Variants in KALRN observed in about 807,000 individuals in gnomAD.
The protein encoded by KALRN is kalirin RhoGEF kinase.
A neutral mutation model predicts 353.7 loss-of-function variants in KALRN; 70 were observed. That is an observed-to-expected ratio of 0.20 (90% CI 0.16 to 0.24). The LOEUF (loss-of-function observed/expected upper bound fraction) is 0.24. Among genes scored for constraint, KALRN ranks in the 10% least tolerant of loss-of-function variants. The probability of loss-of-function intolerance (pLI) is 1.00; values close to 1 mark genes in which losing one functional copy is unlikely to be tolerated. For synonymous variants in KALRN, 1,391 were observed against 1,434.8 expected, an observed-to-expected ratio of 0.97 and a Z score of 0.69; for missense variants, 2,791 against 3,756.7, an observed-to-expected ratio of 0.74 and a Z score of 6.72.
At chr3:124,564,505 C>T (rs182877052) in intron 34 of KALRN, among the ~76,000 whole-genome samples, 6 of 151,262 alleles carry the variant, frequency 4.0e-5, no homozygotes, top group African/African-American at 1.5e-4. Flanking sequence ...GTGAGACCCC[C>T]ATCTCTACAA....
intron 1 of KALRN, among the ~76,000 whole-genome samples, chr3:124,217,423 T>C (rs1188806490): frequency 2.0e-5 from 3 of 152,196 alleles, no homozygotes; most frequent in Admixed American, 6.5e-5. Context: ...AGGGGACATA[T>C]AGGGTTCATG....
At chr3:124,236,752 C>A (rs900257515) in intron 3 of KALRN, among the ~76,000 whole-genome samples, 2 of 152,124 alleles carry the variant, frequency 1.3e-5, no homozygotes, top group Non-Finnish European at 2.9e-5. Flanking sequence ...TGAAGGGGAA[C>A]AAAACCCAAG....
intron 28 of KALRN, among the ~76,000 whole-genome samples, chr3:124,487,723 A>T (rs1359380586): frequency 2.0e-5 from 3 of 152,254 alleles, no homozygotes; most frequent in Admixed American, 2.0e-4. Context: ...GGAAGTCAGC[A>T]TTCAGGCTGT....
At chr3:124,100,482 C>A (rs1578056320) in intron 1 of KALRN, 1 of 152,080 alleles carries the variant, frequency 6.6e-6, no homozygotes, top group Admixed American at 6.6e-5. Context: ...TGAAATTAGA[C>A]CCCTATCTCT....
At chr3:124,403,997 C>T (rs528062181) in intron 13 of KALRN, among the ~76,000 whole-genome samples, 1 of 152,122 alleles carries the variant, frequency 6.6e-6, no homozygotes, top group African/African-American at 2.4e-5. Context: ...GATTTGGCAT[C>T]CTTGGATGAT....
intron 3 of KALRN, among the ~76,000 whole-genome samples, chr3:124,248,355 G>C (rs970934060): frequency 3.9e-4 from 59 of 152,212 alleles, no homozygotes; most frequent in African/African-American, 1.4e-3. Context: ...TCTTTCCTCT[G>C]TCCGGGGCTG....
At chr3:124,051,683 A>G (rs1481273117) in intron 1 of KALRN, among the ~76,000 whole-genome samples, 1 of 152,188 alleles carries the variant, frequency 6.6e-6, no homozygotes, top group Non-Finnish European at 1.5e-5. Flanking sequence ...TTTATACACT[A>G]TACTCAATCC....
intron 11 of KALRN, among the ~76,000 whole-genome samples, chr3:124,388,061 C>T (rs2088684605): frequency 6.6e-6 from 1 of 151,962 alleles, no homozygotes; most frequent in Non-Finnish European, 1.5e-5. Context: ...TGTGTACACA[C>T]ACATGCAAAT....
At chr3:124,592,319 A>G (rs1483461978) in intron 34 of KALRN, among the ~76,000 whole-genome samples, 1 of 151,706 alleles carries the variant, frequency 6.6e-6, no homozygotes, top group African/African-American at 2.4e-5. Context: ...CAAAAAAAAA[A>G]AAAAAAAAAA....
intron 1 of KALRN, among the ~76,000 whole-genome samples, chr3:124,098,283 A>G (rs1356648868): frequency 6.6e-6 from 1 of 152,140 alleles, no homozygotes; most frequent in Non-Finnish European, 1.5e-5. Context: ...TCCAGAAGAC[A>G]ATCTGTTTTC....
At chr3:124,260,044 C>G (rs1393857594) in intron 3 of KALRN, among the ~76,000 whole-genome samples, 1 of 152,158 alleles carries the variant, frequency 6.6e-6, no homozygotes, top group Non-Finnish European at 1.5e-5. Context: ...AAATCCACTG[C>G]TCCTGCCTTG....
intron 23 of KALRN, among the ~76,000 whole-genome samples, chr3:124,458,475 C>T (rs185372938): frequency 5.3e-4 from 80 of 152,254 alleles, no homozygotes; most frequent in Middle Eastern, 6.8e-3. Flanking sequence ...CTTTTATGAA[C>T]TCCTTTACTT....
chr3:124,675,102 G>C (rs1334119531), intron 49 of KALRN: 1 of 152,092 alleles, frequency 6.6e-6, no homozygotes, highest in Non-Finnish European at 1.5e-5. Context: ...TTTCCCAGGA[G>C]GGAGGGAACT....
intron 6 of KALRN, among the ~76,000 whole-genome samples, chr3:124,301,738 G>A (rs116393118): frequency 5.3e-4 from 80 of 152,312 alleles, no homozygotes; most frequent in African/African-American, 1.9e-3. Flanking sequence ...GCTACTGCTC[G>A]AACTCAGTGA....
intron 57 of KALRN, among the ~76,000 whole-genome samples, chr3:124,711,275 G>A (rs1410287181): frequency 2.0e-5 from 3 of 152,096 alleles, no homozygotes; most frequent in Non-Finnish European, 4.4e-5. Flanking sequence ...TCTTGTCTCA[G>A]CTTCCCAAAG....
intron 1 of KALRN, among the ~76,000 whole-genome samples, chr3:124,149,379 C>A (rs1334990704): frequency 6.6e-6 from 1 of 152,156 alleles, no homozygotes; most frequent in Admixed American, 6.5e-5. Flanking sequence ...TCTCCCTGTA[C>A]CCCCCAGTGC....
At chr3:124,170,224 A>C (rs1026858421) in intron 1 of KALRN, among the ~76,000 whole-genome samples, 1 of 152,198 alleles carries the variant, frequency 6.6e-6, no homozygotes, top group Non-Finnish European at 1.5e-5. Context: ...GGCATCTCAC[A>C]AACTTTTCTC....
chr3:124,061,803 GC>G (rs754526405), intron 1 of KALRN, among the ~76,000 whole-genome samples: 7 of 152,158 alleles, frequency 4.6e-5, no homozygotes, highest in Non-Finnish European at 8.8e-5. Context: ...TGATTGGTGG[GC>G]TGAGGGGCAG....
chr3:124,532,971 A>C (rs1266078654), intron 33 of KALRN, among the ~76,000 whole-genome samples: 1 of 149,354 alleles, frequency 6.7e-6, no homozygotes, highest in Admixed American at 6.7e-5. Context: ...ATCCTAAGTA[A>C]TGTTGAATTG....
Sources: allele counts gnomAD v4.1 joint callset (sites outside exome capture counted in the v4.1 genomes callset), GRCh38; gene constraint gnomAD v4.1.1; transcripts MANE v1.5; gene names NCBI Gene and HGNC (gene_info 2026-07-23, HGNC 2026-07-21).